The following ANKDD1A variants were observed in gnomAD, a reference collection of about 807,000 sequenced individuals.
ANKDD1A encodes the protein ankyrin repeat and death domain-containing protein 1A.
Under a neutral mutation model 63.5 loss-of-function variants are expected in ANKDD1A, and 59 were observed. The ratio of observed to expected loss-of-function variants is 0.93; its 90% confidence interval spans 0.75 to 1.15. The LOEUF is 1.15. ANKDD1A is among the 50% of genes most tolerant of loss of function. ANKDD1A has a pLI of 0.00. For missense variants in ANKDD1A, 632 were observed against 656.4 expected, an observed-to-expected ratio of 0.96 and a Z score of 0.41; for synonymous variants, 266 against 263.9, an observed-to-expected ratio of 1.01 and a Z score of -0.08.
At position 64,951,395 on chromosome 15, in the gene ANKDD1A, CTCTTTT is replaced by C. The variant is rs1555366890; in HGVS notation, c.1483+1425_1483+1430del. The C allele has an allele frequency of 1.2e-4, 12 of 104,052 alleles. No homozygotes were observed. The East Asian group carries it at 3.0e-3, about 26-fold the overall frequency. 6.4% of individuals were successfully genotyped at this position (104,052 alleles called of 1,614,324 possible). On this transcript the variant is annotated intron_variant, in intron 14 of 14. Coordinates refer to ENST00000319580, the MANE Select transcript of ANKDD1A (RefSeq NM_182703.6). ...CTTCTTTCTTTTTCTTTTCTTCTTC[CTCTTTT>C]TTCTTTTTTCTTTTCTTCCTCTTTT... is the stretch of plus-strand genomic sequence containing the variant.
chr15:64,929,538 G>T (rs1010981486), intron 6 of ANKDD1A, among the ~76,000 whole-genome samples: 1 of 152,014 alleles, frequency 6.6e-6, no homozygotes, highest in Admixed American at 6.5e-5. Context: ...TACAAAGTAC[G>T]TTGCGCCCTC....
intron 12 of ANKDD1A, 26 bp downstream of exon 12, chr15:64,944,773 T>C: frequency 6.2e-7 from 1 of 1,608,402 alleles, no homozygotes; most frequent in South Asian, 1.1e-5. Context: ...GCTTGATCTT[T>C]CCTCATTGGA....
intron 10 of ANKDD1A, 86 bp from the exon 11 acceptor site, chr15:64,943,398 A>T (rs1355245912): frequency 1.0e-5 from 11 of 1,085,494 alleles, no homozygotes; most frequent in Non-Finnish European, 1.6e-5. Flanking sequence ...GAAGAAATAT[A>T]CTAGGATCAT....
chr15:64,948,201 G>A (rs1216369329), intron 13 of ANKDD1A, among the ~76,000 whole-genome samples: 4 of 152,142 alleles, frequency 2.6e-5, no homozygotes, highest in Non-Finnish European at 5.9e-5. Context: ...TGGTGTGTGT[G>A]TTTCATCTGG....
At chr15:64,923,035 G>C (rs145005218) in intron 4 of ANKDD1A, among the ~76,000 whole-genome samples, 50 of 152,168 alleles carry the variant, frequency 3.3e-4, no homozygotes, top group African/African-American at 1.1e-3. Flanking sequence ...TTGAAAACTT[G>C]GTTTGTAATA....
chr15:64,931,419 C>T (rs753335905), intron 7 of ANKDD1A, 68 bp from the exon 8 acceptor site: 35 of 1,477,810 alleles, frequency 2.4e-5, no homozygotes, highest in Non-Finnish European at 2.8e-5. Context: ...ATCCTCTCAC[C>T]GTGGGATTGG....
intron 5 of ANKDD1A, 86 bp from the exon 6 acceptor site, chr15:64,926,815 G>A: frequency 7.0e-7 from 1 of 1,427,426 alleles, no homozygotes; most frequent in Non-Finnish European, 9.9e-7. Flanking sequence ...AGCCAGAGTG[G>A]TTGGGGAACA....
chr15:64,934,780 G>T (rs2085115867), intron 9 of ANKDD1A, among the ~76,000 whole-genome samples: 1 of 150,948 alleles, frequency 6.6e-6, no homozygotes, highest in African/African-American at 2.4e-5. Context: ...GGCTCCCAAA[G>T]TGCTGGGATT....
At chr15:64,949,784 G>C in intron 13 of ANKDD1A, 57 bp from the exon 14 acceptor site, 1 of 1,587,040 alleles carries the variant, frequency 6.3e-7, no homozygotes, top group South Asian at 1.1e-5. Context: ...AGGCGCTCTG[G>C]TCAAGTGGCC....
chr15:64,918,751 C>T (rs1250806923), intron 3 of ANKDD1A, among the ~76,000 whole-genome samples: 1 of 151,990 alleles, frequency 6.6e-6, no homozygotes, highest in African/African-American at 2.4e-5. Flanking sequence ...GTCAGGAGTT[C>T]GAGACCAGCC....
chr15:64,947,245 A>G (rs1310819924), intron 12 of ANKDD1A, among the ~76,000 whole-genome samples, 159 bp from the exon 13 acceptor site: 1 of 152,164 alleles, frequency 6.6e-6, no homozygotes, highest in East Asian at 1.9e-4. Context: ...ATGGAGTGAG[A>G]AACCAGAAGA....
intron 14 of ANKDD1A, among the ~76,000 whole-genome samples, chr15:64,955,385 A>G (rs2085408399): frequency 6.6e-6 from 1 of 152,152 alleles, no homozygotes; most frequent in Non-Finnish European, 1.5e-5. Context: ...AATGTTGGCT[A>G]GAGGGACTGA....
intron 13 of ANKDD1A, among the ~76,000 whole-genome samples, chr15:64,948,211 G>C (rs965289211): frequency 2.0e-5 from 3 of 152,124 alleles, no homozygotes; most frequent in Non-Finnish European, 4.4e-5. Context: ...GTTTCATCTG[G>C]AAAACCTAAA....
chr15:64,944,357 T>G (rs1238644882), intron 11 of ANKDD1A, among the ~76,000 whole-genome samples: 1 of 152,230 alleles, frequency 6.6e-6, no homozygotes, highest in Non-Finnish European at 1.5e-5. Context: ...GAACCCCTAT[T>G]TCACAGGAGA....
intron 11 of ANKDD1A, 39 bp downstream of exon 11, chr15:64,943,621 TGGC>T (rs1259258300): frequency 1.3e-6 from 2 of 1,596,366 alleles, no homozygotes; most frequent in Non-Finnish European, 1.7e-6. Flanking sequence ...CAGGCTTTCA[TGGC>T]TCCCCCCTTG....
chr15:64,945,485 C>T (rs1381250174), intron 12 of ANKDD1A, among the ~76,000 whole-genome samples: 1 of 151,124 alleles, frequency 6.6e-6, no homozygotes, highest in Non-Finnish European at 1.5e-5. Context: ...TATTATAAAA[C>T]TGGCTTTGTG....
chr15:64,931,414 C>G, intron 7 of ANKDD1A, 73 bp from the exon 8 acceptor site: 2 of 1,446,408 alleles, frequency 1.4e-6, no homozygotes, highest in South Asian at 1.3e-5. Context: ...GGGGCATCCT[C>G]TCACCGTGGG....
intron 3 of ANKDD1A, among the ~76,000 whole-genome samples, 157 bp downstream of exon 3, chr15:64,917,671 A>C (rs916680327): frequency 6.6e-6 from 1 of 152,272 alleles, no homozygotes; most frequent in Non-Finnish European, 1.5e-5. Context: ...CACTGCACTG[A>C]TTCTGTTTTA....
At chr15:64,913,873 C>T (rs1306395308) in intron 1 of ANKDD1A, among the ~76,000 whole-genome samples, 3 of 152,172 alleles carry the variant, frequency 2.0e-5, no homozygotes, top group African/African-American at 7.2e-5. Context: ...TGGAAAGGGC[C>T]AGCAAATATT....
Sources: gnomAD v4.1 joint callset for allele counts (sites outside exome capture counted in the v4.1 genomes callset) on GRCh38, gnomAD v4.1.1 for gene constraint, MANE v1.5 for transcripts, NCBI Gene and HGNC (gene_info 2026-07-23, HGNC 2026-07-21) for gene names.